Variants in EML5 observed in about 807,000 individuals in gnomAD.
EML5 encodes the protein EMAP like 5.
A neutral mutation model predicts 250.0 loss-of-function variants in EML5; 120 were observed. That is an observed-to-expected ratio of 0.48 (90% CI 0.41 to 0.56). The LOEUF (loss-of-function observed/expected upper bound fraction) is 0.56, where lower values mean the gene tolerates loss of function less well. Ranked by LOEUF, EML5 falls within the 20% of genes least tolerant of loss-of-function variation. EML5 has a pLI of 0.00. For synonymous variants in EML5, 771 were observed against 806.5 expected (o/e 0.96, Z 0.75); for missense variants, 2,006 against 2,437.6 (o/e 0.82, Z 3.73).
intron 1 of EML5, among the ~76,000 whole-genome samples, chr14:88,769,966 G>GTTT (rs79797316): frequency 9.3e-5 from 13 of 139,632 alleles, no homozygotes; most frequent in Non-Finnish European, 1.2e-4. Context: ...ATTATGTGCA[G>GTTT]TTTTTTTTTT....
At chr14:88,766,024 T>C (rs2094315153) in intron 1 of EML5, among the ~76,000 whole-genome samples, 1 of 152,212 alleles carries the variant, frequency 6.6e-6, no homozygotes, top group African/African-American at 2.4e-5. Flanking sequence ...TGAACATAAA[T>C]TGTGAAGATT....
At chr14:88,747,432 T>A (rs1197919587) in intron 2 of EML5, among the ~76,000 whole-genome samples, 1 of 151,158 alleles carries the variant, frequency 6.6e-6, no homozygotes, top group Non-Finnish European at 1.5e-5. Context: ...AATAATAAGC[T>A]GAAAAAATAA....
chr14:88,781,099 T>C (rs1303774674), intron 1 of EML5, among the ~76,000 whole-genome samples: 2 of 152,242 alleles, frequency 1.3e-5, no homozygotes, highest in African/African-American at 4.8e-5. Context: ...TTAGCTGTGA[T>C]GTAAACTCAC....
Position 88,792,636 on chromosome 14 carries a change from A to T in EML5, c.-133T>A. On this transcript the variant is annotated 5_prime_UTR_variant, in exon 1 of 44. Coordinates refer to ENST00000554922, the MANE Select transcript of EML5 (RefSeq NM_183387.3). The surrounding 1 kb of genome is among the most constrained non-coding windows in gnomAD (Gnocchi z 6.9). The stretch of plus-strand genomic sequence containing the variant: ...CCGCGTCCTCTAAGCCGCGCCCGTC[A>T]GGTGCATCTCGTTTCGGGGGCCGCC... 8.8e-7 allele frequency: 1 copy of T among 1,138,542 alleles called. No homozygotes were observed. The allele number at this position is 1,138,542 out of a possible 1,614,324, so 70.5% of individuals were successfully genotyped here.
intron 21 of EML5, among the ~76,000 whole-genome samples, chr14:88,677,589 AC>A (rs2092624130): frequency 6.6e-6 from 1 of 152,246 alleles, no homozygotes; most frequent in African/African-American, 2.4e-5. Flanking sequence ...TCTACAAGGA[AC>A]TTAAACAAAT....
chr14:88,750,567 T>C (rs1043040081), intron 2 of EML5, among the ~76,000 whole-genome samples: 1 of 152,192 alleles, frequency 6.6e-6, no homozygotes, highest in African/African-American at 2.4e-5. Flanking sequence ...TAGTTTACCA[T>C]AACCTTAATT....
chr14:88,739,697 C>A (rs1566731450), intron 5 of EML5, among the ~76,000 whole-genome samples: 1 of 151,878 alleles, frequency 6.6e-6, no homozygotes, highest in Non-Finnish European at 1.5e-5. Context: ...TAAGCAAAGA[C>A]AAACAGATTG....
rs550126309 is a variant in EML5 at position 88,776,620 on chromosome 14, C to T, written c.197+15687G>A. Among the ~76,000 whole-genome samples, 281 of 152,042 alleles carry T rather than the reference C, an allele frequency of 1.8e-3. 4 individuals are homozygous for T. Among genetic ancestry groups the T allele is most frequent in the African/African-American group, 6.5e-3 (268 of 41,478 alleles). ...AGTGGGTCGGGCATGGTGGCTCACA[C>T]CTGTAATCCCAGCACTTTGGGAGGT... On this transcript the variant is annotated intron_variant, in intron 1 of 43. Coordinates refer to ENST00000554922, the MANE Select transcript of EML5 (RefSeq NM_183387.3).
intron 35 of EML5, 113 bp downstream of exon 35, chr14:88,626,725 G>A: frequency 9.6e-7 from 1 of 1,037,510 alleles, no homozygotes; most frequent in Admixed American, 2.2e-5. Flanking sequence ...ACCAGGGCAT[G>A]TAATGATTAG....
chr14:88,731,917 T>G (rs1015476176), intron 7 of EML5, among the ~76,000 whole-genome samples: 5 of 152,188 alleles, frequency 3.3e-5, no homozygotes, highest in Non-Finnish European at 7.3e-5. Flanking sequence ...GATGGGGTTG[T>G]TTTTTTCTAG....
In EML5 at chr14:88,770,042, T is replaced by C. The variant is rs139662430; in HGVS notation, c.198-15371A>G. ...ACTGTTTTTCAGTCATTTAGGTTCA[T>C]TGTTCGCAACAAAGCTCAGCAGCAG... On this transcript the variant is annotated intron_variant, in intron 1 of 43. Coordinates refer to ENST00000554922, the MANE Select transcript of EML5 (RefSeq NM_183387.3). Among the ~76,000 whole-genome samples the C allele has an allele frequency of 1.8e-4, 27 of 152,110 alleles. No individual in the cohort carries two copies. In the East Asian group the frequency reaches 4.6e-3, roughly 26 times the overall value.
chr14:88,750,538 A>G (rs960036416), intron 2 of EML5, among the ~76,000 whole-genome samples: 2 of 152,126 alleles, frequency 1.3e-5, no homozygotes, highest in Non-Finnish European at 2.9e-5. Flanking sequence ...TGTTTGCATC[A>G]TATTATTATT....
chr14:88,737,530 C>T (rs2093861965), intron 6 of EML5, among the ~76,000 whole-genome samples: 1 of 152,222 alleles, frequency 6.6e-6, no homozygotes, highest in Admixed American at 6.5e-5. Context: ...ATTGCGCCCG[C>T]CATGGAGGTC....
At chr14:88,667,458 C>T (rs890873908) in intron 21 of EML5, among the ~76,000 whole-genome samples, 1 of 152,188 alleles carries the variant, frequency 6.6e-6, no homozygotes, top group Non-Finnish European at 1.5e-5. Flanking sequence ...GTAGCTGCAT[C>T]TCTTTGGGTA....
chr14:88,692,077 C>T (rs1159634331), intron 17 of EML5, among the ~76,000 whole-genome samples: 2 of 152,020 alleles, frequency 1.3e-5, no homozygotes, highest in Non-Finnish European at 2.9e-5. Context: ...TGAAAATATT[C>T]CTTTTAAAAA....
chr14:88,791,561 T>C (rs1165911619), intron 1 of EML5, among the ~76,000 whole-genome samples: 2 of 152,202 alleles, frequency 1.3e-5, no homozygotes. Context: ...CAACTTTGAG[T>C]TATTGTCCAA....
chr14:88,664,095 T>C (rs1416223529), intron 23 of EML5, among the ~76,000 whole-genome samples: 1 of 151,254 alleles, frequency 6.6e-6, no homozygotes, highest in Admixed American at 6.6e-5. Flanking sequence ...CTGGGCAATA[T>C]AGTGAGAACC....
Position 88,715,166 on chromosome 14 carries a change from T to C in EML5, c.1217A>G (p.Asp406Gly), listed in dbSNP as rs2093471240. Residue 406 changes from aspartate to glycine, a missense_variant, in exon 9 of 44, where the codon GAT becomes GGT. By Grantham distance (94) the Asp-to-Gly change is moderately conservative. Coordinates refer to ENST00000554922, the MANE Select transcript of EML5 (RefSeq NM_183387.3). ...TAACTCATGAATTGCCTCCTTCCTATCTTTAATATGTACAACTTCCGTCAT... is the reference window on the plus strand; with the variant it reads ...TAACTCATGAATTGCCTCCTTCCTACCTTTAATATGTACAACTTCCGTCAT... ...RDMTEVVHIKDRKEAIHELKY... is the reference protein window; with the variant it reads ...RDMTEVVHIKGRKEAIHELKY... 1 of 1,603,154 alleles carries C rather than the reference T, an allele frequency of 6.2e-7. No individual in the cohort carries two copies.
intron 7 of EML5, among the ~76,000 whole-genome samples, chr14:88,727,362 C>T (rs1343340514): frequency 6.6e-6 from 1 of 151,104 alleles, no homozygotes; most frequent in African/African-American, 2.4e-5. Context: ...CATCTCTTTC[C>T]CAACTTCTCA....
Sources: gnomAD v4.1 joint callset for allele counts (sites outside exome capture counted in the v4.1 genomes callset) on GRCh38, gnomAD v4.1.1 for gene constraint, Gnocchi (gnomAD v3.1) non-coding constraint, MANE v1.5 for transcripts, NCBI Gene and HGNC (gene_info 2026-07-23, HGNC 2026-07-21) for gene names.